The following SHTN1 variants were observed in gnomAD, a reference collection of about 807,000 sequenced individuals.
The protein encoded by SHTN1 is shootin 1.
SHTN1 carries 42 observed loss-of-function variants against 83.1 expected under a neutral mutation model. The ratio of observed to expected loss-of-function variants is 0.51; its 90% confidence interval spans 0.39 to 0.65. The LOEUF is 0.65. Ranked by LOEUF, SHTN1 falls within the 30% of genes least tolerant of loss-of-function variation. SHTN1 has a pLI of 0.00. For missense variants in SHTN1, 622 were observed against 737.8 expected (o/e 0.84, Z 1.82); for synonymous variants, 224 against 247.7 (o/e 0.90, Z 0.90).
At chr10:117,126,093 G>A (rs1023626911) in intron 1 of SHTN1, among the ~76,000 whole-genome samples, 6 of 152,210 alleles carry the variant, frequency 3.9e-5, no homozygotes, top group African/African-American at 9.7e-5. Flanking sequence ...CGGAGCGCTA[G>A]GTGCTGGCAG....
At chr10:117,077,182 G>C (rs1307327408) in intron 1 of SHTN1, among the ~76,000 whole-genome samples, 1 of 152,214 alleles carries the variant, frequency 6.6e-6, no homozygotes, top group Non-Finnish European at 1.5e-5. Context: ...TTCATAAGCA[G>C]AAAGTGTGGT....
At chr10:116,910,046 C>T (rs1848128589) in intron 14 of SHTN1, among the ~76,000 whole-genome samples, 5 of 152,140 alleles carry the variant, frequency 3.3e-5, no homozygotes, top group Admixed American at 3.3e-4. Flanking sequence ...ACTCCAGCAA[C>T]AAGCACCACT....
At chr10:116,916,425 A>G (rs146129320) in intron 12 of SHTN1, among the ~76,000 whole-genome samples, 1 of 152,128 alleles carries the variant, frequency 6.6e-6, no homozygotes, top group African/African-American at 2.4e-5. Context: ...GGACCTTCCA[A>G]TTACCATCTT....
rs903434418 is a variant in SHTN1 at position 116,973,058 on chromosome 10, T to G, written c.112-4346A>C. Among the ~76,000 whole-genome samples the G allele has an allele frequency of 4.7e-4, 71 of 152,280 alleles. 1 individual carries two copies. Among genetic ancestry groups the G allele is most frequent in the Admixed American group, 4.6e-3 (71 of 15,296 alleles). ...TTTCCAGTGTGAATTAGTATCTTCC[T>G]TGCACCACCCACTCCCTAAAATGGG... On this transcript the variant is annotated intron_variant, in intron 2 of 16. Coordinates refer to ENST00000355371, the MANE Select transcript of SHTN1 (RefSeq NM_001127211.3).
At chr10:116,950,027 C>T (rs184077521) in intron 6 of SHTN1, among the ~76,000 whole-genome samples, 153 of 152,160 alleles carry the variant, frequency 1.0e-3, no homozygotes, top group African/African-American at 3.5e-3. Flanking sequence ...ATGATAAACA[C>T]CAAGTTCAGA....
chr10:116,962,912 T>C (rs1056144970), intron 3 of SHTN1, among the ~76,000 whole-genome samples: 1 of 152,046 alleles, frequency 6.6e-6, no homozygotes, highest in Non-Finnish European at 1.5e-5. Flanking sequence ...AGAGTATATT[T>C]CAAAGGGTGA....
In SHTN1 at chr10:116,995,632, T is replaced by C. The variant is rs528570848; in HGVS notation, c.58+9390A>G. Among the ~76,000 whole-genome samples, 7 of 152,302 alleles carry C rather than the reference T, an allele frequency of 4.6e-5. No homozygotes were observed. The South Asian group carries it at 1.5e-3, about 32-fold the overall frequency. On this transcript the variant is annotated intron_variant, in intron 1 of 16. Coordinates refer to ENST00000355371, the MANE Select transcript of SHTN1 (RefSeq NM_001127211.3). ...AGGATAATATAGGCATTTGCATAAG[T>C]TCAGGAAGAATCCGTTCTTCTTTTA...
chr10:117,006,757 A>T (rs1403225249), upstream of SHTN1, among the ~76,000 whole-genome samples: 2 of 152,054 alleles, frequency 1.3e-5, no homozygotes, highest in Non-Finnish European at 2.9e-5. Flanking sequence ...GCAACAGCAC[A>T]GTGCTGCTCA....
chr10:117,105,063 C>A (rs1313774226), intron 1 of SHTN1, among the ~76,000 whole-genome samples: 2 of 152,028 alleles, frequency 1.3e-5, no homozygotes, highest in Non-Finnish European at 2.9e-5. Flanking sequence ...CTTCACAGCC[C>A]AGAACCACAT....
In SHTN1 at chr10:116,924,699, G is replaced by C. The variant is rs1310577438; in HGVS notation, c.1112+3093C>G. 2.7e-5 allele frequency among the ~76,000 whole-genome samples: 4 copies of C among 150,648 alleles called. No homozygotes were observed. In the East Asian group the frequency reaches 7.8e-4, roughly 29 times the overall value. ...TTCAATTGAATGAATAAAATTTCAG[G>C]CATGTGTCATCCCAAGATGGAACAT... On this transcript the variant is annotated intron_variant, in intron 11 of 16. Coordinates refer to ENST00000355371, the MANE Select transcript of SHTN1 (RefSeq NM_001127211.3).
At chr10:117,005,273 G>C, upstream of SHTN1, 2 of 1,439,200 alleles carry the variant, frequency 1.4e-6, no homozygotes. Context: ...GGCGGCTGCG[G>C]CCGCTTCACC....
chr10:116,960,464 T>C, intron 3 of SHTN1: 1 of 377,332 alleles, frequency 2.7e-6, no homozygotes, highest in Non-Finnish European at 4.8e-6. Flanking sequence ...ATACATTTTA[T>C]TATGTACATT....
At chr10:116,927,280 T>C (rs1848775590) in intron 11 of SHTN1, among the ~76,000 whole-genome samples, 1 of 152,210 alleles carries the variant, frequency 6.6e-6, no homozygotes, top group Non-Finnish European at 1.5e-5. Flanking sequence ...TGTTATTGAA[T>C]GAAATTTGTA....
intron 1 of SHTN1, among the ~76,000 whole-genome samples, chr10:117,107,483 T>G (rs577624429): frequency 3.6e-4 from 55 of 152,130 alleles, no homozygotes; most frequent in Non-Finnish European, 7.2e-4. Context: ...TACCCTCGCA[T>G]TGTCAACAAG....
At chr10:117,003,990 C>T (rs1191213188) in intron 1 of SHTN1, among the ~76,000 whole-genome samples, 1 of 152,208 alleles carries the variant, frequency 6.6e-6, no homozygotes. Flanking sequence ...CGCCTCCTGG[C>T]GATTCTCCTG....
At chr10:116,958,906 A>C (rs1850079953) in intron 4 of SHTN1, among the ~76,000 whole-genome samples, 1 of 152,194 alleles carries the variant, frequency 6.6e-6, no homozygotes, top group African/African-American at 2.4e-5. Context: ...TGCCTTCCAT[A>C]AACTCTGCCA....
intron 2 of SHTN1, among the ~76,000 whole-genome samples, chr10:117,040,165 T>A (rs1852563109): frequency 6.6e-6 from 1 of 152,176 alleles, no homozygotes; most frequent in African/African-American, 2.4e-5. Context: ...AAAACTGTTT[T>A]TAGATACTGA....
At chr10:116,943,374 T>C (rs1173761536) in intron 8 of SHTN1, among the ~76,000 whole-genome samples, 1 of 152,246 alleles carries the variant, frequency 6.6e-6, no homozygotes, top group African/African-American at 2.4e-5. Context: ...AAACTGAACA[T>C]GTCTTGAAAT....
chr10:116,902,263 T>C, intron 15 of SHTN1, among the ~76,000 whole-genome samples: 1 of 152,116 alleles, frequency 6.6e-6, no homozygotes, highest in Non-Finnish European at 1.5e-5. Context: ...AGTCTTTTCC[T>C]CTCATAGAGT....
Sources: gnomAD v4.1 joint callset for allele counts (sites outside exome capture counted in the v4.1 genomes callset) on GRCh38, gnomAD v4.1.1 for gene constraint, MANE v1.5 for transcripts, NCBI Gene and HGNC (gene_info 2026-07-23, HGNC 2026-07-21) for gene names.